EPHA5: variants seen among roughly 807,000 people sequenced by gnomAD.
EPHA5 encodes ephrin type-A receptor 5.
A neutral mutation model predicts 105.0 loss-of-function variants in EPHA5; 60 were observed. The observed-to-expected ratio is 0.57, with a 90% confidence interval of 0.46 to 0.71. EPHA5 has a LOEUF of 0.71. Among genes scored for constraint, EPHA5 ranks in the 30% least tolerant of loss-of-function variants. The pLI is 0.00. For synonymous variants in EPHA5, 513 were observed against 449.1 expected (o/e 1.14, Z -1.80); for missense variants, 1,218 against 1,274.7 (o/e 0.96, Z 0.68).
chr4:65,531,015 ATTT>A (rs200655975), intron 3 of EPHA5, among the ~76,000 whole-genome samples: 6 of 107,256 alleles, frequency 5.6e-5, no homozygotes, highest in African/African-American at 2.2e-4. Flanking sequence ...TATTTTTTTT[ATTT>A]TTTTTATTTT....
chr4:65,646,864 A>C (rs1748154497), intron 1 of EPHA5, among the ~76,000 whole-genome samples: 1 of 152,108 alleles, frequency 6.6e-6, no homozygotes, highest in African/African-American at 2.4e-5. Flanking sequence ...ATATAACACC[A>C]CTAAATTATC....
chr4:65,480,506 G>A (rs868471108), intron 5 of EPHA5, among the ~76,000 whole-genome samples: 19 of 152,142 alleles, frequency 1.2e-4, no homozygotes, highest in Non-Finnish European at 2.1e-4. Flanking sequence ...CGAAGTTCTC[G>A]TTTTTGGCTT....
intron 5 of EPHA5, among the ~76,000 whole-genome samples, chr4:65,448,039 A>T (rs1021993575): frequency 6.6e-6 from 1 of 152,092 alleles, no homozygotes; most frequent in Non-Finnish European, 1.5e-5. Flanking sequence ...TCCAAAACCT[A>T]TAAGTGAAAA....
At chr4:65,367,879 T>C (rs1718072487) in intron 8 of EPHA5, among the ~76,000 whole-genome samples, 1 of 152,034 alleles carries the variant, frequency 6.6e-6, no homozygotes, top group South Asian at 2.1e-4. Context: ...TGTTTTGGAA[T>C]CCTCAGTTGC....
At chr4:65,666,871 C>A (rs1470312165) in intron 1 of EPHA5, among the ~76,000 whole-genome samples, 2 of 152,062 alleles carry the variant, frequency 1.3e-5, no homozygotes, top group African/African-American at 4.8e-5. Context: ...TTATATCTAA[C>A]AAAGTTAAAT....
chr4:65,530,279 T>C lies in EPHA5; in HGVS notation c.911-34736A>G, dbSNP rs967365354. On this transcript the variant is annotated intron_variant, in intron 3 of 16. Coordinates refer to ENST00000613740, the MANE Select transcript of EPHA5 (RefSeq NM_001281766.3). Reference sequence around the variant, plus strand: ...AATAAAGAGATTACCAGAGCATAGATTTAACGGCTGTTACTATGAGCAGTT... The same window carrying C: ...AATAAAGAGATTACCAGAGCATAGACTTAACGGCTGTTACTATGAGCAGTT... 3.9e-5 allele frequency among the ~76,000 whole-genome samples: 6 copies of C among 152,216 alleles called. No individual in the cohort carries two copies. The South Asian group carries it at 1.2e-3, about 32-fold the overall frequency.
rs375204245 is a variant in EPHA5 at position 65,571,301 on chromosome 4, C to T, written c.910+30340G>A. Among the ~76,000 whole-genome samples, 16 of 146,918 alleles carry T rather than the reference C, an allele frequency of 1.1e-4. 2 individuals carry two copies. In the South Asian group the frequency reaches 3.3e-3, roughly 30 times the overall value. On this transcript the variant is annotated intron_variant, in intron 3 of 16. Transcript: ENST00000613740. ...TATGGCCCACTCACTAGTAAAATAA[C>T]AATATGGCTTGTTTACAAGTAAAAA... is the stretch of plus-strand genomic sequence containing the variant.
At chr4:65,395,722 T>A (rs1721162591) in intron 8 of EPHA5, among the ~76,000 whole-genome samples, 1 of 152,218 alleles carries the variant, frequency 6.6e-6, no homozygotes, top group African/African-American at 2.4e-5. Context: ...AACATGATCA[T>A]GACAATCAAA....
At chr4:65,647,355 A>C (rs989678765) in intron 1 of EPHA5, among the ~76,000 whole-genome samples, 3 of 148,086 alleles carry the variant, frequency 2.0e-5, no homozygotes, top group African/African-American at 7.4e-5. Flanking sequence ...AAAAAAAAGA[A>C]GTTTAGACAT....
At chr4:65,574,223 C>T (rs1740553213) in intron 3 of EPHA5, 5 of 1,602,480 alleles carry the variant, frequency 3.1e-6, no homozygotes, top group Non-Finnish European at 3.4e-6. Context: ...AAGCTGTGGA[C>T]TCACAAATTT....
chr4:65,468,630 T>A, intron 5 of EPHA5, among the ~76,000 whole-genome samples: 1 of 130,152 alleles, frequency 7.7e-6, no homozygotes, highest in African/African-American at 2.9e-5. Context: ...ATATGTAAAA[T>A]ATATATAACA....
At chr4:65,550,626 G>C (rs1737804158) in intron 3 of EPHA5, among the ~76,000 whole-genome samples, 1 of 152,092 alleles carries the variant, frequency 6.6e-6, no homozygotes, top group Non-Finnish European at 1.5e-5. Flanking sequence ...ATGAGGTCAG[G>C]AGATCGAAAT....
chr4:65,633,242 A>AT (rs1035004894), intron 2 of EPHA5, among the ~76,000 whole-genome samples: 13 of 152,164 alleles, frequency 8.5e-5, no homozygotes, highest in South Asian at 6.2e-4. Context: ...ATTACAGTAT[A>AT]TTTTTTCTCT....
intron 2 of EPHA5, among the ~76,000 whole-genome samples, chr4:65,642,999 T>C (rs990670973): frequency 1.3e-5 from 2 of 152,082 alleles, no homozygotes; most frequent in African/African-American, 2.4e-5. Flanking sequence ...CTGTGCAATA[T>C]GCCAGGATGA....
chr4:65,658,711 G>T (rs1210799955), intron 1 of EPHA5, among the ~76,000 whole-genome samples: 1 of 152,006 alleles, frequency 6.6e-6, no homozygotes, highest in Non-Finnish European at 1.5e-5. Flanking sequence ...TTACTAGCTT[G>T]CCCAAGTCAC....
intron 11 of EPHA5, among the ~76,000 whole-genome samples, chr4:65,357,415 C>G (rs1156933107): frequency 1.3e-5 from 2 of 151,594 alleles, no homozygotes; most frequent in East Asian, 3.9e-4. Flanking sequence ...TTTAAAAACT[C>G]ACAAATATTC....
intron 3 of EPHA5, among the ~76,000 whole-genome samples, chr4:65,551,160 T>TA (rs1302763287): frequency 8.4e-6 from 1 of 118,832 alleles, no homozygotes; most frequent in East Asian, 2.2e-4. Flanking sequence ...TATCATTTAT[T>TA]ATCCAAACAT....
chr4:65,669,419 G>C, intron 1 of EPHA5, 143 bp downstream of exon 1: 2 of 1,243,012 alleles, frequency 1.6e-6, no homozygotes, highest in East Asian at 3.2e-5. Flanking sequence ...AAGGCCAGTG[G>C]AAGGGGACGA....
chr4:65,563,125 C>A (rs1739188454), intron 3 of EPHA5, among the ~76,000 whole-genome samples: 1 of 151,824 alleles, frequency 6.6e-6, no homozygotes, highest in African/African-American at 2.4e-5. Flanking sequence ...TATTTTCACC[C>A]TCCCACTGTT....
Sources: gnomAD v4.1 joint callset for allele counts (sites outside exome capture counted in the v4.1 genomes callset) on GRCh38, gnomAD v4.1.1 for gene constraint, MANE v1.5 for transcripts, NCBI Gene and HGNC (gene_info 2026-07-23, HGNC 2026-07-21) for gene names.